Variants in PZP observed in about 807,000 individuals in gnomAD.
PZP encodes PZP alpha-2-macroglobulin like.
In PZP, 150 loss-of-function variants were observed where a neutral mutation model predicts 179.8. That is an observed-to-expected ratio of 0.83 (90% CI 0.73 to 0.96). The LOEUF (loss-of-function observed/expected upper bound fraction) is 0.96. PZP is among the 40% of genes least tolerant of loss of function. The pLI is 0.00. For synonymous variants in PZP, 624 were observed against 652.3 expected (o/e 0.96, Z 0.66); for missense variants, 1,689 against 1,764.0 (o/e 0.96, Z 0.76).
chr12:9,151,070 A>T (rs1940320642), intron 33 of PZP, among the ~76,000 whole-genome samples: 1 of 152,144 alleles, frequency 6.6e-6, no homozygotes, highest in Non-Finnish European at 1.5e-5. Flanking sequence ...AAAACAACGA[A>T]GTATTCTTTC....
chr12:9,171,109 A>G (rs2114847), intron 15 of PZP, among the ~76,000 whole-genome samples: 108,906 of 152,068 alleles, frequency 0.72, 39,297 homozygotes, highest in East Asian at 0.87. Flanking sequence ...GCTGGCAACA[A>G]GTTAGTACCC....
chr12:9,191,856 G>A (rs1943475510), intron 13 of PZP, among the ~76,000 whole-genome samples: 1 of 151,918 alleles, frequency 6.6e-6, no homozygotes, highest in Non-Finnish European at 1.5e-5. Context: ...TTTCTTCTCT[G>A]CAATGTTAAT....
Position 9,161,023 on chromosome 12 carries a change from G to A in PZP, c.2872+10C>T. ...TTTGGCCCAGGTTTACTAAATGGAA[G>A]GTGACTCACCCAGAACTGAGAAAGA... On this transcript the variant is annotated intron_variant, in intron 23 of 35. Transcript: ENST00000261336. The A allele has an allele frequency of 6.4e-7, 1 of 1,556,722 alleles. No individual in the cohort carries two copies. The highest frequency in any genetic ancestry group is 8.9e-7 in the Non-Finnish European group (1 of 1,127,774).
Position 9,158,413 on chromosome 12 carries a change from A to G in PZP, c.3294+7T>C. ...TGTCAGGCTCAGAAGTTTGTGGAAC[A>G]GTTCACCTTTATGGCATTGTTGAGC... On this transcript the variant is annotated splice_region_variant and intron_variant, in intron 26 of 35. Coordinates refer to ENST00000261336, the MANE Select transcript of PZP (RefSeq NM_002864.3). 1 of 1,614,024 alleles carries G rather than the reference A, an allele frequency of 6.2e-7. No individual in the cohort carries two copies. The highest frequency in any genetic ancestry group is 1.3e-5 in the African/African-American group (1 of 75,044).
At chr12:9,192,394 C>A in intron 12 of PZP, 118 bp downstream of exon 12, 3 of 1,264,276 alleles carry the variant, frequency 2.4e-6, no homozygotes, top group Middle Eastern at 1.9e-4. Flanking sequence ...GAATGAAGGA[C>A]GCACAACAAG....
chr12:9,183,963 G>A (rs1283777563), intron 13 of PZP, among the ~76,000 whole-genome samples: 1 of 152,140 alleles, frequency 6.6e-6, no homozygotes, highest in Non-Finnish European at 1.5e-5. Context: ...CCTCAAAAAG[G>A]AAATAAGCTC....
chr12:9,197,384 A>G (rs990166961), intron 7 of PZP, among the ~76,000 whole-genome samples: 2 of 142,010 alleles, frequency 1.4e-5, no homozygotes, highest in African/African-American at 5.2e-5. Flanking sequence ...TATTTAATAT[A>G]TAATATTATA....
At chr12:9,186,773 T>G (rs1443549138) in intron 13 of PZP, among the ~76,000 whole-genome samples, 1 of 150,162 alleles carries the variant, frequency 6.7e-6, no homozygotes, top group Non-Finnish European at 1.5e-5. Context: ...ACACCACATG[T>G]TCTCACTCAT....
At chr12:9,157,035 T>C in intron 28 of PZP, 140 bp downstream of exon 28, 4 of 683,880 alleles carry the variant, frequency 5.8e-6, no homozygotes, top group Non-Finnish European at 9.1e-6. Context: ...CATCACCTGG[T>C]TATTAGGTCC....
chr12:9,192,430 G>T, intron 12 of PZP, 82 bp downstream of exon 12: 1 of 1,392,462 alleles, frequency 7.2e-7, no homozygotes, highest in South Asian at 1.2e-5. Flanking sequence ...TGTGCAAGTA[G>T]TTTATTTTGA....
intron 13 of PZP, among the ~76,000 whole-genome samples, chr12:9,191,339 C>T (rs1349698372): frequency 6.6e-6 from 1 of 151,998 alleles, no homozygotes; most frequent in African/African-American, 2.4e-5. Context: ...ATCTAACTAC[C>T]TCTACACTAG....
intron 2 of PZP, among the ~76,000 whole-genome samples, chr12:9,203,503 G>A (rs567495970): frequency 1.7e-3 from 263 of 152,010 alleles, no homozygotes; most frequent in Non-Finnish European, 2.8e-3. Flanking sequence ...CACTACGCCC[G>A]GCTAATTTTT....
the PZP span, among the ~76,000 whole-genome samples, chr12:9,141,469 T>G: frequency 1.3e-5 from 2 of 152,214 alleles, no homozygotes; most frequent in East Asian, 3.8e-4. Flanking sequence ...AAGAGCAGGT[T>G]AGTGCTTTAA....
chr12:9,164,870 A>G (rs999998030), intron 19 of PZP, among the ~76,000 whole-genome samples: 1 of 152,242 alleles, frequency 6.6e-6, no homozygotes, highest in Non-Finnish European at 1.5e-5. Flanking sequence ...TTCCTGGCAT[A>G]TAACCTAACT....
rs1943829062 is a variant in PZP, at chr12:9,197,204, T to C, written c.756-81A>G. 4.3e-6 allele frequency: 4 copies of C among 931,618 alleles called. No individual in the cohort carries two copies. The Admixed American group carries it at 5.7e-5, about 13-fold the overall frequency. 57.7% of individuals were successfully genotyped at this position (931,618 alleles called of 1,614,324 possible). A position where few individuals can be genotyped will look rare whatever the true frequency, so the allele number is the denominator to read the frequency against. ...CCACTCCTCCACAGAACTGTCCCTC[T>C]TTAGAGTTGCCTACACATCTTTATC... On this transcript the variant is annotated intron_variant, in intron 7 of 35. Coordinates refer to ENST00000261336, the MANE Select transcript of PZP (RefSeq NM_002864.3).
chr12:9,159,292 C>T (rs1940996139), intron 25 of PZP, among the ~76,000 whole-genome samples: 1 of 152,138 alleles, frequency 6.6e-6, no homozygotes, highest in South Asian at 2.1e-4. Context: ...AATTTTGCCA[C>T]TTATTAGATG....
rs540690423 is a variant in PZP at position 9,174,468 on chromosome 12, C to T, written c.1840-4877G>A. ...TTCAACATAGTATTGGAATTTCTGG[C>T]CAGGGCAATCAGGCAAGAGAAATAA... On this transcript the variant is annotated intron_variant, in intron 15 of 35. Transcript: ENST00000261336. 7.9e-5 allele frequency among the ~76,000 whole-genome samples: 12 copies of T among 152,162 alleles called. No homozygotes were observed. In the South Asian group the frequency reaches 2.1e-3, roughly 26 times the overall value.
the PZP span, among the ~76,000 whole-genome samples, chr12:9,137,564 T>C: frequency 5.9e-5 from 9 of 152,214 alleles, no homozygotes; most frequent in African/African-American, 2.2e-4. Context: ...TTTTAAACAA[T>C]ACCAATGTGA....
chr12:9,176,927 C>G (rs1057278640), intron 15 of PZP, among the ~76,000 whole-genome samples: 12 of 152,118 alleles, frequency 7.9e-5, no homozygotes, highest in Admixed American at 2.6e-4. Context: ...GTACTTGGAC[C>G]TGATTTAAAT....
Sources: allele counts gnomAD v4.1 joint callset (sites outside exome capture counted in the v4.1 genomes callset), GRCh38; gene constraint gnomAD v4.1.1; transcripts MANE v1.5; gene names NCBI Gene and HGNC (gene_info 2026-07-23, HGNC 2026-07-21).